Variants in CTNNA3 observed in about 807,000 individuals in gnomAD.
The protein encoded by CTNNA3 is catenin alpha-3.
CTNNA3 carries 76 observed loss-of-function variants against 95.7 expected under a neutral mutation model. The ratio of observed to expected loss-of-function variants is 0.79; its 90% CI spans 0.66 to 0.96. The LOEUF is 0.96. CTNNA3 is among the 40% of genes least tolerant of loss of function. The probability of loss-of-function intolerance (pLI) is 0.00; values close to 1 mark genes in which losing one functional copy is unlikely to be tolerated. For missense variants in CTNNA3, 1,191 were observed against 1,089.8 expected, an observed-to-expected ratio of 1.09 and a Z score of -1.31; for synonymous variants, 431 against 374.4, an observed-to-expected ratio of 1.15 and a Z score of -1.74.
chr10:66,925,130 G>T (rs74141737), intron 7 of CTNNA3, among the ~76,000 whole-genome samples: 1 of 152,106 alleles, frequency 6.6e-6, no homozygotes, highest in Non-Finnish European at 1.5e-5. Flanking sequence ...GGATCATCTA[G>T]TGGTTAGTGG....
intron 7 of CTNNA3, among the ~76,000 whole-genome samples, chr10:66,797,517 G>A (rs912351310): frequency 1.3e-5 from 2 of 151,724 alleles, no homozygotes; most frequent in Middle Eastern, 3.2e-3. Context: ...ACCATTCAAT[G>A]TCCCTTTTTC....
At chr10:66,013,733 C>A (rs530047388) in intron 15 of CTNNA3, among the ~76,000 whole-genome samples, 1 of 152,046 alleles carries the variant, frequency 6.6e-6, no homozygotes, top group Admixed American at 6.6e-5. Flanking sequence ...TCAAAAAATA[C>A]GACCAAGTTT....
intron 7 of CTNNA3, among the ~76,000 whole-genome samples, chr10:66,908,689 A>T (rs1232829280): frequency 1.3e-5 from 2 of 152,030 alleles, no homozygotes; most frequent in Non-Finnish European, 2.9e-5. Context: ...TTTTTAAAAA[A>T]ATTCATTTTT....
Position 67,109,676 on chromosome 10 carries a change from C to T in CTNNA3, c.1047+70641G>A, listed in dbSNP as rs575124129. On this transcript the variant is annotated intron_variant, in intron 7 of 17. Coordinates refer to ENST00000433211, the MANE Select transcript of CTNNA3 (RefSeq NM_013266.4). Reference sequence around the variant, plus strand: ...TGGCCAACATGGTGAAACCCCGCCTCTACTAAAAATACAAAAATTGGCTGG... The same window carrying T: ...TGGCCAACATGGTGAAACCCCGCCTTTACTAAAAATACAAAAATTGGCTGG... Among the ~76,000 whole-genome samples, 249 of 152,216 alleles carry T rather than the reference C, an allele frequency of 1.6e-3. 1 individual carries two copies. The highest frequency in any genetic ancestry group is 3.4e-3 in the Middle Eastern group (1 of 294).
At chr10:66,624,062 G>T (rs944631961) in intron 9 of CTNNA3, among the ~76,000 whole-genome samples, 2 of 152,124 alleles carry the variant, frequency 1.3e-5, no homozygotes, top group African/African-American at 4.8e-5. Context: ...TATCCTTTGT[G>T]TATCTGCGCA....
rs190060153 is a variant in CTNNA3 at position 66,434,123 on chromosome 10, T to C, written c.1532-54771A>G. 7.9e-3 allele frequency among the ~76,000 whole-genome samples: 1,199 copies of C among 151,680 alleles called. 19 individuals carry two copies. Among genetic ancestry groups the C allele is most frequent in the African/African-American group, 0.028 (1,154 of 41,288 alleles). On this transcript the variant is annotated intron_variant, in intron 11 of 17. Transcript: ENST00000433211. ...TTTGCTTAGGATTGTCTTGGCTATA[T>C]GGGCTCTTTTTTGGTTCCATATGAA...
At chr10:66,787,078 C>G (rs1011748346) in intron 7 of CTNNA3, among the ~76,000 whole-genome samples, 1 of 152,118 alleles carries the variant, frequency 6.6e-6, no homozygotes, top group Admixed American at 6.6e-5. Flanking sequence ...CTGCAAAATA[C>G]TGATGTGGAG....
intron 1 of CTNNA3, among the ~76,000 whole-genome samples, chr10:67,726,416 ATAT>A (rs1164479744): frequency 0.015 from 759 of 50,342 alleles, 14 homozygotes; most frequent in Middle Eastern, 0.077. Flanking sequence ...ATCATATATA[ATAT>A]TATATATTAT....
chr10:66,650,603 C>T (rs187824724), intron 9 of CTNNA3, among the ~76,000 whole-genome samples: 7 of 152,140 alleles, frequency 4.6e-5, no homozygotes, highest in African/African-American at 7.2e-5. Context: ...ATGGTGTGTC[C>T]GGAGTTCATT....
chr10:66,524,261 T>G (rs1841171464), intron 10 of CTNNA3, among the ~76,000 whole-genome samples: 1 of 152,258 alleles, frequency 6.6e-6, no homozygotes, highest in African/African-American at 2.4e-5. Context: ...ACATGTCTAT[T>G]CCTGGGTAAT....
At chr10:67,731,038 T>C (rs944339961) in intron 1 of CTNNA3, among the ~76,000 whole-genome samples, 1 of 152,166 alleles carries the variant, frequency 6.6e-6, no homozygotes, top group African/African-American at 2.4e-5. Context: ...ACAGCTTACA[T>C]TTCATACTAG....
chr10:66,050,712 C>T (rs1038907363), intron 15 of CTNNA3, among the ~76,000 whole-genome samples: 1 of 152,096 alleles, frequency 6.6e-6, no homozygotes, highest in African/African-American at 2.4e-5. Flanking sequence ...TTCCATATTC[C>T]TTCTCTGGGG....
chr10:66,140,956 T>C (rs751533396), intron 13 of CTNNA3, among the ~76,000 whole-genome samples: 18 of 152,054 alleles, frequency 1.2e-4, no homozygotes, highest in Non-Finnish European at 2.2e-4. Context: ...TCTAAGAACA[T>C]TTCAATAGAA....
intron 13 of CTNNA3, among the ~76,000 whole-genome samples, chr10:66,210,892 T>C (rs954264323): frequency 3.9e-5 from 6 of 152,170 alleles, no homozygotes; most frequent in Non-Finnish European, 7.3e-5. Context: ...CTTGTACATA[T>C]AGAAAGCCAC....
At chr10:67,386,840 A>G (rs1844188345) in intron 5 of CTNNA3, among the ~76,000 whole-genome samples, 1 of 152,208 alleles carries the variant, frequency 6.6e-6, no homozygotes, top group African/African-American at 2.4e-5. Context: ...GCACATTAAC[A>G]TGAGTTCCAC....
intron 1 of CTNNA3, among the ~76,000 whole-genome samples, chr10:67,650,183 A>T (rs1281882032): frequency 2.0e-5 from 3 of 152,170 alleles, no homozygotes; most frequent in African/African-American, 4.8e-5. Context: ...GTTAGGCAGT[A>T]CCTCCCAAAC....
At chr10:66,688,796 C>G (rs1427367608) in intron 9 of CTNNA3, among the ~76,000 whole-genome samples, 2 of 149,902 alleles carry the variant, frequency 1.3e-5, no homozygotes, top group Admixed American at 1.3e-4. Context: ...GTGGTGAAAC[C>G]CGTCTCTACT....
intron 3 of CTNNA3, among the ~76,000 whole-genome samples, chr10:67,540,214 C>T (rs1213621795): frequency 2.0e-5 from 3 of 151,782 alleles, no homozygotes; most frequent in East Asian, 3.9e-4. Flanking sequence ...ATTTTTAATG[C>T]CTTTTCATTT....
chr10:67,041,037 TAC>T (rs1371353486), intron 7 of CTNNA3, among the ~76,000 whole-genome samples: 1 of 152,170 alleles, frequency 6.6e-6, no homozygotes, highest in African/African-American at 2.4e-5. Flanking sequence ...CAGATCTTTT[TAC>T]ACACACAAAG....
Sources: allele counts gnomAD v4.1 joint callset (sites outside exome capture counted in the v4.1 genomes callset), GRCh38; gene constraint gnomAD v4.1.1; transcripts MANE v1.5; gene names NCBI Gene and HGNC (gene_info 2026-07-23, HGNC 2026-07-21).